The following SLIT3 variants were observed in gnomAD, a reference collection of about 807,000 sequenced individuals.
SLIT3 encodes the protein slit guidance ligand 3.
In SLIT3, 68 loss-of-function variants were observed where a neutral mutation model predicts 184.0. The observed-to-expected ratio is 0.37, with a 90% CI of 0.30 to 0.45. SLIT3 has a LOEUF of 0.45. Among genes scored for constraint, SLIT3 ranks in the 20% least tolerant of loss-of-function variants. The pLI, the probability that SLIT3 is intolerant of heterozygous loss-of-function variation, is 1.00. For synonymous variants in SLIT3, 831 were observed against 828.6 expected, an observed-to-expected ratio of 1.00 and a Z score of -0.05; for missense variants, 1,707 against 2,026.0, an observed-to-expected ratio of 0.84 and a Z score of 3.02.
intron 4 of SLIT3, among the ~76,000 whole-genome samples, chr5:169,008,227 T>G (rs1756002947): frequency 6.6e-6 from 1 of 152,094 alleles, no homozygotes; most frequent in Admixed American, 6.5e-5. Context: ...GAGAAAACAT[T>G]GGGTCTCATA....
chr5:168,953,571 C>T (rs1762730449), intron 4 of SLIT3, among the ~76,000 whole-genome samples: 2 of 152,218 alleles, frequency 1.3e-5, no homozygotes, highest in Admixed American at 1.3e-4. Flanking sequence ...AACTATCTCA[C>T]AAGGCTGTGG....
chr5:169,170,050 G>A (rs1329404113), intron 4 of SLIT3, among the ~76,000 whole-genome samples: 2 of 152,206 alleles, frequency 1.3e-5, no homozygotes, highest in East Asian at 3.9e-4. Flanking sequence ...AAGCCAAGGA[G>A]GGAACCTCCA....
At chr5:169,169,047 A>G (rs1762734841) in intron 4 of SLIT3, among the ~76,000 whole-genome samples, 2 of 148,630 alleles carry the variant, frequency 1.3e-5, no homozygotes, top group Non-Finnish European at 3.0e-5. Flanking sequence ...TGGGGGGGGG[A>G]TCACCTTTTT....
rs1761231885 is a variant in SLIT3, at chr5:169,129,836, TTG to T, written c.413+63641_413+63642del. ...TTCTTTGGTGGTTTTTTTTGTTTGT[TTG>T]TTTGTTTGTTTGTTTGTTTGTTTTT... is the stretch of plus-strand genomic sequence containing the variant. On this transcript the variant is annotated intron_variant, in intron 4 of 35. Transcript: ENST00000519560. 4.6e-5 allele frequency among the ~76,000 whole-genome samples: 7 copies of T among 151,448 alleles called. No homozygotes were observed. In the Admixed American group the frequency reaches 4.6e-4, roughly 10 times the overall value.
rs905281896 is a variant in SLIT3 at position 169,300,565 on chromosome 5, C to A, written c.145G>T (p.Gly49Trp). The A allele has an allele frequency of 5.6e-5, 85 of 1,510,320 alleles. No individual in the cohort carries two copies. Among genetic ancestry groups the A allele is most frequent in the Non-Finnish European group, 6.9e-5 (78 of 1,132,930 alleles). The allele number at this position is 1,510,320 out of a possible 1,614,324, so 93.6% of individuals were successfully genotyped here. A position where few individuals can be genotyped will look rare whatever the true frequency, so the allele number is the denominator to read the frequency against. Residue 49 changes from glycine (G) to tryptophan (W), a missense_variant, in exon 1 of 36, where the codon GGG (glycine) becomes TGG (tryptophan). Transcript: ENST00000519560. The surrounding 1 kb of genome is among the most constrained non-coding windows in gnomAD (Gnocchi z 4.1). ...CGAGGAACCGCGCGGAGGCCCAGCC[C>A]GTGGCAGTCCACGCTGGCAGCGGAG... ...TCSAASVDCH[G>W]LGLRAVPRGI...
chr5:168,760,438 T>C (rs1326157424), intron 16 of SLIT3, among the ~76,000 whole-genome samples: 6 of 152,196 alleles, frequency 3.9e-5, no homozygotes, highest in Non-Finnish European at 7.4e-5. Context: ...GTATCACTGA[T>C]GCAGGGGTCT....
chr5:169,119,543 C>T (rs1422139184), intron 4 of SLIT3, among the ~76,000 whole-genome samples: 2 of 152,200 alleles, frequency 1.3e-5, no homozygotes, highest in Non-Finnish European at 2.9e-5. Flanking sequence ...CTGGAGGGAA[C>T]CAAACACACA....
At chr5:169,099,605 G>C (rs951668972) in intron 4 of SLIT3, among the ~76,000 whole-genome samples, 3 of 152,208 alleles carry the variant, frequency 2.0e-5, no homozygotes, top group African/African-American at 7.2e-5. Flanking sequence ...AATTCAGCCT[G>C]TAAGTAGTCA....
At chr5:169,096,793 T>C (rs1363498924) in intron 4 of SLIT3, among the ~76,000 whole-genome samples, 6 of 152,184 alleles carry the variant, frequency 3.9e-5, no homozygotes, top group African/African-American at 7.2e-5. Context: ...ATACTCCCAC[T>C]GAGTCAATTG....
At chr5:168,747,038 G>A (rs569912463) in intron 20 of SLIT3, among the ~76,000 whole-genome samples, 13 of 151,864 alleles carry the variant, frequency 8.6e-5, no homozygotes, top group South Asian at 6.2e-4. Flanking sequence ...TGGGTGTGTT[G>A]CTGCTCAGGC....
intron 2 of SLIT3, among the ~76,000 whole-genome samples, chr5:169,245,357 C>T (rs1179219758): frequency 6.6e-6 from 1 of 152,140 alleles, no homozygotes; most frequent in East Asian, 1.9e-4. Flanking sequence ...CGCCTCAGTC[C>T]TCCAAGCAGG....
rs572539359 is a variant in SLIT3, at chr5:168,681,525, G to C, written c.3686+2441C>G. On this transcript the variant is annotated intron_variant, in intron 32 of 35. Transcript: ENST00000519560. ...GTTACAGGCTCAGCATGAAGATCTA[G>C]GCCAGGAGTGCCAGGGCATCCTTAG... Among the ~76,000 whole-genome samples the C allele has an allele frequency of 2.0e-5, 3 of 152,340 alleles. No individual in the cohort carries two copies. The East Asian group carries it at 5.8e-4, about 29-fold the overall frequency.
intron 35 of SLIT3, among the ~76,000 whole-genome samples, chr5:168,668,649 G>T (rs6874988): frequency 6.6e-6 from 1 of 152,176 alleles, no homozygotes; most frequent in Non-Finnish European, 1.5e-5. Flanking sequence ...GGAGTGCAGT[G>T]GTGCATTCAT....
At chr5:168,987,705 T>G (rs1581271392) in intron 4 of SLIT3, among the ~76,000 whole-genome samples, 1 of 152,374 alleles carries the variant, frequency 6.6e-6, no homozygotes, top group East Asian at 1.9e-4. Context: ...CCAGAGGCAT[T>G]TAGTCCTCTG....
intron 4 of SLIT3, among the ~76,000 whole-genome samples, chr5:169,080,302 G>T (rs1758977263): frequency 6.6e-6 from 1 of 152,196 alleles, no homozygotes; most frequent in African/African-American, 2.4e-5. Context: ...GTGTTTGTCG[G>T]TGATAATAAA....
chr5:168,661,751 A>G lies in SLIT3; in HGVS notation c.*4703T>C, dbSNP rs976470600. On this transcript the variant is annotated 3_prime_UTR_variant, in exon 36 of 36. Transcript: ENST00000519560. ...CCGTGGAGCAGGGCTGAGTTATGGT[A>G]GTCATGAGAGCATCTGATAGCTCCT... The G allele has an allele frequency of 1.3e-5, 2 of 152,236 alleles. No individual in the cohort carries two copies. Among genetic ancestry groups the G allele is most frequent in the African/African-American group, 4.8e-5 (2 of 41,456 alleles). The allele number at this position is 152,236 out of a possible 1,614,324, so 9.4% of individuals were successfully genotyped here.
chr5:169,194,143 G>A (rs745548357), intron 3 of SLIT3, among the ~76,000 whole-genome samples: 5 of 148,410 alleles, frequency 3.4e-5, no homozygotes, highest in Admixed American at 2.0e-4. Flanking sequence ...GCTGAGGCAG[G>A]AGAATCGCTT....
rs552119696 is a variant in SLIT3 at position 169,196,286 on chromosome 5, G to A, written c.342-2736C>T. On this transcript the variant is annotated intron_variant, in intron 3 of 35. Coordinates refer to ENST00000519560, the MANE Select transcript of SLIT3 (RefSeq NM_003062.4). ...CCGTTGGAACTGGAGAAGGCTTGATGTGATGTATGTGGGATTCACCGGGGC... is the reference window on the plus strand; with the variant it reads ...CCGTTGGAACTGGAGAAGGCTTGATATGATGTATGTGGGATTCACCGGGGC... Among the ~76,000 whole-genome samples, 15 of 152,326 alleles carry A rather than the reference G, an allele frequency of 9.8e-5. No individual in the cohort carries two copies. In the East Asian group the frequency reaches 2.5e-3, roughly 25 times the overall value.
intron 14 of SLIT3, among the ~76,000 whole-genome samples, chr5:168,765,837 G>C (rs1755323435): frequency 6.6e-6 from 1 of 152,172 alleles, no homozygotes; most frequent in African/African-American, 2.4e-5. Flanking sequence ...CATCTTGCCT[G>C]CTCCTGCCCC....
Sources: gnomAD v4.1 joint callset for allele counts (sites outside exome capture counted in the v4.1 genomes callset) on GRCh38, gnomAD v4.1.1 for gene constraint, Gnocchi (gnomAD v3.1) non-coding constraint, MANE v1.5 for transcripts, NCBI Gene and HGNC (gene_info 2026-07-23, HGNC 2026-07-21) for gene names.